TET1: variants seen among roughly 807,000 people sequenced by gnomAD.
TET1 encodes tet methylcytosine dioxygenase 1, also known as methylcytosine dioxygenase TET1.
TET1 carries 13 observed loss-of-function variants against 148.7 expected under a neutral mutation model. The observed-to-expected ratio is 0.09, with a 90% confidence interval of 0.06 to 0.14. The LOEUF is 0.14. Among genes scored for constraint, TET1 ranks in the 10% least tolerant of loss-of-function variants. The pLI, the probability that TET1 is intolerant of heterozygous loss-of-function variation, is 1.00. For synonymous variants in TET1, 907 were observed against 937.2 expected (o/e 0.97, Z 0.59); for missense variants, 2,182 against 2,553.8 (o/e 0.85, Z 3.14).
At chr10:68,588,361 G>C (rs1111874) in intron 2 of TET1, among the ~76,000 whole-genome samples, 91,666 of 151,950 alleles carry the variant, frequency 0.6, 27,782 homozygotes, top group Middle Eastern at 0.68. Flanking sequence ...TACAACAATC[G>C]TATGAAATAT....
At chr10:68,597,251 C>T (rs1334172156) in intron 2 of TET1, among the ~76,000 whole-genome samples, 2 of 152,028 alleles carry the variant, frequency 1.3e-5, no homozygotes, top group African/African-American at 4.8e-5. Context: ...CCAGGCTGGT[C>T]TTGAACTCCT....
At chr10:68,625,915 A>C (rs1379722385) in intron 3 of TET1, among the ~76,000 whole-genome samples, 1 of 151,782 alleles carries the variant, frequency 6.6e-6, no homozygotes, top group African/African-American at 2.4e-5. Context: ...GAAGAGACCC[A>C]GTGTCTATAA....
chr10:68,674,457 C>T (rs1275663628), intron 8 of TET1: 3 of 394,128 alleles, frequency 7.6e-6, no homozygotes, highest in African/African-American at 6.3e-5. Flanking sequence ...TGGGAAGACA[C>T]TAGTCACCAG....
intron 7 of TET1, among the ~76,000 whole-genome samples, chr10:68,669,474 C>A (rs1221728800): frequency 3.2e-5 from 2 of 61,618 alleles, no homozygotes; most frequent in Non-Finnish European, 5.8e-5. Flanking sequence ...CCATGCCCAG[C>A]TTTTTTTTTT....
intron 3 of TET1, among the ~76,000 whole-genome samples, chr10:68,633,368 G>GT (rs34622339): frequency 0.4 from 58,636 of 148,130 alleles, 11,552 homozygotes; most frequent in East Asian, 0.45. Context: ...TTTATACTGG[G>GT]TTTTTTTTTT....
chr10:68,594,174 C>T (rs996907442), intron 2 of TET1, among the ~76,000 whole-genome samples: 2 of 152,144 alleles, frequency 1.3e-5, no homozygotes, highest in Non-Finnish European at 2.9e-5. Flanking sequence ...GATCCTCCCG[C>T]CTTGGCCTCC....
At position 68,690,972 on chromosome 10, in the gene TET1, GCCACACCAGCT is replaced by G; in HGVS notation, c.5574_5584del (p.Pro1859GlufsTer3). 6.2e-7 allele frequency: 1 copy of G among 1,614,240 alleles called. No individual in the cohort carries two copies. Among genetic ancestry groups the G allele is most frequent in the Non-Finnish European group, 8.5e-7 (1 of 1,180,040 alleles). Reference sequence around the variant, plus strand: ...CTCCTGGTCCCCGAAGACTGCTTCAGCCACACCAGCTCCACTGAAGAATGACGCAACAGCCT... The same window carrying G: ...CTCCTGGTCCCCGAAGACTGCTTCAGCCACTGAAGAATGACGCAACAGCCT... On this transcript the variant is annotated frameshift_variant, in exon 12 of 12. Transcript: ENST00000373644. LOFTEE classifies it low-confidence loss of function (END_TRUNC).
intron 6 of TET1, among the ~76,000 whole-genome samples, chr10:68,652,845 A>ATTTTTTTTTTTTT (rs71019047): frequency 4.0e-5 from 4 of 101,212 alleles, no homozygotes; most frequent in Non-Finnish European, 5.6e-5. Context: ...AACCCGGCTA[A>ATTTTTTTTTTTTT]TTTTTTTTTT....
At position 68,686,379 on chromosome 10, in the gene TET1, T is replaced by C; in HGVS notation, c.5076T>C (p.Asp1692=). The change falls in exon 11 of 12, where the codon GAT becomes GAC. Residue 1692 remains aspartate, a synonymous_variant. Coordinates refer to ENST00000373644, the MANE Select transcript of TET1 (RefSeq NM_030625.3). ...AGGTTTGTACCTTAACTCGAGAAGA[T>C]AACCGCTCTTTGGGTGTTATTCCTC... is the stretch of plus-strand genomic sequence containing the variant. ...STVVCTLTRE[D]NRSLGVIPQD... is the part of the protein sequence containing the mutation. The C allele has an allele frequency of 6.2e-7, 1 of 1,609,450 alleles. No individual in the cohort carries two copies. Among genetic ancestry groups the C allele is most frequent in the Non-Finnish European group, 8.5e-7 (1 of 1,177,200 alleles).
chr10:68,606,498 T>A (rs958577832), intron 3 of TET1, among the ~76,000 whole-genome samples: 2 of 152,168 alleles, frequency 1.3e-5, no homozygotes, highest in African/African-American at 4.8e-5. Context: ...TTAGAGTTTT[T>A]AAACAGACGG....
intron 3 of TET1, among the ~76,000 whole-genome samples, chr10:68,643,261 C>CAAAA (rs59820865): frequency 0.033 from 3,036 of 91,564 alleles, 269 homozygotes; most frequent in African/African-American, 0.14. Flanking sequence ...GACCCTGTCT[C>CAAAA]AAAAAAAAAA....
intron 10 of TET1, among the ~76,000 whole-genome samples, chr10:68,685,936 A>G (rs555853399): frequency 6.6e-6 from 1 of 152,336 alleles, no homozygotes; most frequent in East Asian, 1.9e-4. Flanking sequence ...GGAATGTGAC[A>G]TTCTTGAAAT....
rs116017961 is a variant in TET1, at chr10:68,620,494, T to C, written c.1968+19460T>C. ...TCTGTTGTAGCATATATCACTACTT[T>C]TCTTGAGTAATGTTTCAATGTATGT... On this transcript the variant is annotated intron_variant, in intron 3 of 11. Coordinates refer to ENST00000373644, the MANE Select transcript of TET1 (RefSeq NM_030625.3). Among the ~76,000 whole-genome samples the C allele has an allele frequency of 2.8e-3, 419 of 152,346 alleles. 7 individuals carry two copies. Among genetic ancestry groups the C allele is most frequent in the African/African-American group, 9.4e-3 (392 of 41,584 alleles).
intron 1 of TET1, among the ~76,000 whole-genome samples, chr10:68,564,950 G>A (rs1039059007): frequency 6.6e-6 from 1 of 152,144 alleles, no homozygotes; most frequent in Non-Finnish European, 1.5e-5. Context: ...TTGAGTCTAG[G>A]AGTTTAAGGC....
chr10:68,585,875 G>C (rs987292888), intron 2 of TET1, among the ~76,000 whole-genome samples: 1 of 151,910 alleles, frequency 6.6e-6, no homozygotes, highest in Non-Finnish European at 1.5e-5. Flanking sequence ...AGGCATGGTG[G>C]TGTGCGCCTG....
intron 10 of TET1, among the ~76,000 whole-genome samples, chr10:68,685,430 T>C (rs2055495972): frequency 6.6e-6 from 1 of 152,124 alleles, no homozygotes; most frequent in South Asian, 2.1e-4. Flanking sequence ...ATAAAACATT[T>C]TATAGGTTTC....
intron 8 of TET1, among the ~76,000 whole-genome samples, chr10:68,677,534 GTTATT>G (rs1380222965): frequency 6.6e-6 from 1 of 152,154 alleles, no homozygotes; most frequent in East Asian, 1.9e-4. Flanking sequence ...CAGAAATAAT[GTTATT>G]TTATTTTTTG....
intron 10 of TET1, among the ~76,000 whole-genome samples, chr10:68,683,271 T>TA (rs151176502): frequency 0.02 from 2,983 of 152,248 alleles, 102 homozygotes; most frequent in African/African-American, 0.068. Context: ...TACTTTTTTT[T>TA]AAATTTATTT....
Position 68,562,493 on chromosome 10 carries a change from T to G in TET1, c.-123+1751T>G, listed in dbSNP as rs1467510240. ...ATTTTATCGGTATTGATCATACGGG[T>G]CCCCCTTTTCCCCAATTAAGGGATT... On this transcript the variant is annotated intron_variant, in intron 1 of 11. Transcript: ENST00000373644. 3.9e-5 allele frequency among the ~76,000 whole-genome samples: 6 copies of G among 152,108 alleles called. No individual in the cohort carries two copies. In the East Asian group the frequency reaches 1.2e-3, roughly 29 times the overall value.
Sources: allele counts gnomAD v4.1 joint callset (sites outside exome capture counted in the v4.1 genomes callset), GRCh38; gene constraint gnomAD v4.1.1; transcripts MANE v1.5; gene names NCBI Gene and HGNC (gene_info 2026-07-23, HGNC 2026-07-21).